Variants in SORCS3 observed in about 807,000 individuals in gnomAD.
SORCS3 encodes sortilin related VPS10 domain containing receptor 3.
SORCS3 carries 57 observed loss-of-function variants against 146.3 expected under a neutral mutation model. The ratio of observed to expected loss-of-function variants is 0.39; its 90% CI spans 0.31 to 0.49. The LOEUF (loss-of-function observed/expected upper bound fraction) is 0.49. Among genes scored for constraint, SORCS3 ranks in the 20% least tolerant of loss-of-function variants. The probability of loss-of-function intolerance (pLI) is 0.92; values close to 1 mark genes in which losing one functional copy is unlikely to be tolerated. For missense variants in SORCS3, 1,341 were observed against 1,575.5 expected (o/e 0.85, Z 2.52); for synonymous variants, 653 against 618.5 (o/e 1.06, Z -0.83).
At chr10:104,899,957 C>G (rs1031586146) in intron 2 of SORCS3, among the ~76,000 whole-genome samples, 1 of 152,090 alleles carries the variant, frequency 6.6e-6, no homozygotes, top group Non-Finnish European at 1.5e-5. Context: ...TCTTGCCTTA[C>G]AGTGGGACAT....
intron 22 of SORCS3, among the ~76,000 whole-genome samples, chr10:105,251,026 T>C (rs1197101510): frequency 6.6e-6 from 1 of 152,210 alleles, no homozygotes; most frequent in East Asian, 1.9e-4. Flanking sequence ...CAAGCATTCT[T>C]GGGAACAGTG....
chr10:105,254,843 T>C (rs562865393), intron 23 of SORCS3, among the ~76,000 whole-genome samples: 1 of 152,042 alleles, frequency 6.6e-6, no homozygotes, highest in East Asian at 1.9e-4. Context: ...AGGTTTCACA[T>C]CCTGTGAATA....
chr10:105,247,155 C>G (rs1367863465), intron 21 of SORCS3, 64 bp from the exon 22 acceptor site: 1 of 835,962 alleles, frequency 1.2e-6, no homozygotes, highest in Non-Finnish European at 1.9e-6. Flanking sequence ...TGGAGCTCCA[C>G]ACCTGTCACA....
chr10:104,658,092 T>C (rs1034868652), intron 1 of SORCS3, among the ~76,000 whole-genome samples: 4 of 152,234 alleles, frequency 2.6e-5, no homozygotes, highest in Non-Finnish European at 5.9e-5. Context: ...CTTCTGGTTT[T>C]GTTTTGTGTT....
intron 1 of SORCS3, among the ~76,000 whole-genome samples, chr10:104,817,830 A>G (rs2017822588): frequency 6.6e-6 from 1 of 151,298 alleles, no homozygotes; most frequent in African/African-American, 2.4e-5. Flanking sequence ...TAGGAAGTAC[A>G]GAGCTAAGAT....
At chr10:105,224,751 T>C (rs900176917) in intron 20 of SORCS3, among the ~76,000 whole-genome samples, 1 of 152,148 alleles carries the variant, frequency 6.6e-6, no homozygotes, top group African/African-American at 2.4e-5. Flanking sequence ...TAGCATTTGG[T>C]GGTGTCATGT....
intron 1 of SORCS3, among the ~76,000 whole-genome samples, chr10:104,747,809 T>C (rs2016928712): frequency 6.6e-6 from 1 of 152,216 alleles, no homozygotes. Context: ...GCCTCTGCCT[T>C]AGCACTTCCA....
At chr10:104,786,944 A>G (rs573001637) in intron 1 of SORCS3, among the ~76,000 whole-genome samples, 167 of 152,188 alleles carry the variant, frequency 1.1e-3, no homozygotes, top group Non-Finnish European at 1.9e-3. Context: ...GCAGAATGCT[A>G]TGGAAATTCC....
intron 2 of SORCS3, among the ~76,000 whole-genome samples, chr10:104,901,471 T>C (rs917150289): frequency 2.0e-5 from 3 of 152,238 alleles, no homozygotes; most frequent in Non-Finnish European, 2.9e-5. Flanking sequence ...AAGGTACTTA[T>C]TGAGTTCCTG....
rs1237218761 is a variant in SORCS3 at position 105,089,805 on chromosome 10, C to G, written c.1059C>G (p.Asp353Glu). The change falls in exon 6 of 27, where the codon GAC becomes GAG. Residue 353 changes from aspartate to glutamate, a missense_variant. Coordinates refer to ENST00000369701, the MANE Select transcript of SORCS3 (RefSeq NM_014978.3). The part of the protein sequence containing the change: ...WSVAGLDKEA[D>E]LVHMEVRTTD... ...TGGCCGGATTGGATAAGGAGGCGGA[C>G]CTGGTGCACATGGAGGTGCGGACCA... 6.2e-7 allele frequency: 1 copy of G among 1,614,102 alleles called. No individual in the cohort carries two copies. Among genetic ancestry groups the G allele is most frequent in the Non-Finnish European group, 8.5e-7 (1 of 1,179,968 alleles).
chr10:105,127,464 C>A (rs10884098), intron 7 of SORCS3, among the ~76,000 whole-genome samples: 73,286 of 151,598 alleles, frequency 0.48, 18,213 homozygotes, highest in Non-Finnish European at 0.54. Context: ...AAGATGACCT[C>A]AAGCAGCCTT....
chr10:105,130,079 T>C (rs922528669), intron 7 of SORCS3, among the ~76,000 whole-genome samples: 1 of 152,178 alleles, frequency 6.6e-6, no homozygotes, highest in Non-Finnish European at 1.5e-5. Context: ...GTACGTGCTA[T>C]GTGCCAGATG....
chr10:105,135,492 G>GCC (rs1241338857), intron 7 of SORCS3, among the ~76,000 whole-genome samples: 1 of 152,130 alleles, frequency 6.6e-6, no homozygotes, highest in African/African-American at 2.4e-5. Flanking sequence ...TGGTCCCTTG[G>GCC]CCACACCCTT....
intron 10 of SORCS3, among the ~76,000 whole-genome samples, chr10:105,158,047 C>T (rs563819629): frequency 5.3e-5 from 8 of 152,314 alleles, no homozygotes; most frequent in Middle Eastern, 3.4e-3. Context: ...CAGCAAATAG[C>T]GCTCTTTCCC....
intron 14 of SORCS3, among the ~76,000 whole-genome samples, chr10:105,189,079 T>C (rs1174300120): frequency 6.6e-6 from 1 of 152,220 alleles, no homozygotes; most frequent in Non-Finnish European, 1.5e-5. Context: ...TTTATCTACA[T>C]ATGAATGTAG....
intron 3 of SORCS3, among the ~76,000 whole-genome samples, chr10:104,947,596 C>T (rs752477237): frequency 1.3e-5 from 2 of 152,032 alleles, no homozygotes; most frequent in Non-Finnish European, 2.9e-5. Context: ...TGACCTAGCA[C>T]TGGATGTTGT....
chr10:105,154,421 G>A (rs528674650), intron 9 of SORCS3, among the ~76,000 whole-genome samples: 13 of 152,310 alleles, frequency 8.5e-5, no homozygotes, highest in African/African-American at 2.4e-4. Context: ...TCAGCATTCC[G>A]CCAAGGGGCC....
chr10:104,901,643 T>C (rs892742204), intron 2 of SORCS3, among the ~76,000 whole-genome samples: 2 of 152,144 alleles, frequency 1.3e-5, no homozygotes, highest in Non-Finnish European at 2.9e-5. Context: ...ATTTCACCAA[T>C]GTGCTATGTC....
At chr10:104,959,543 G>C (rs73349917) in intron 3 of SORCS3, among the ~76,000 whole-genome samples, 1 of 152,140 alleles carries the variant, frequency 6.6e-6, no homozygotes, top group Non-Finnish European at 1.5e-5. Flanking sequence ...TGAGAAAGAA[G>C]TGATGGGTAT....
Sources: gnomAD v4.1 joint callset for allele counts (sites outside exome capture counted in the v4.1 genomes callset) on GRCh38, gnomAD v4.1.1 for gene constraint, MANE v1.5 for transcripts, NCBI Gene and HGNC (gene_info 2026-07-23, HGNC 2026-07-21) for gene names.